The following TTBK2 variants were observed in gnomAD, a reference collection of about 807,000 sequenced individuals.
TTBK2 encodes the protein tau-tubulin kinase 2.
Under a neutral mutation model 110.8 loss-of-function variants are expected in TTBK2, and 28 were observed. The ratio of observed to expected loss-of-function variants is 0.25; its 90% confidence interval spans 0.19 to 0.35. TTBK2 has a LOEUF of 0.35. Ranked by LOEUF, TTBK2 falls within the 10% of genes least tolerant of loss-of-function variation. The probability of loss-of-function intolerance (pLI) is 1.00; values close to 1 mark genes in which losing one functional copy is unlikely to be tolerated. For missense variants in TTBK2, 1,369 were observed against 1,500.3 expected, an observed-to-expected ratio of 0.91 and a Z score of 1.45; for synonymous variants, 532 against 527.3, an observed-to-expected ratio of 1.01 and a Z score of -0.12.
intron 3 of TTBK2, among the ~76,000 whole-genome samples, chr15:42,849,623 T>C (rs1893613687): frequency 6.6e-6 from 1 of 152,190 alleles, no homozygotes; most frequent in African/African-American, 2.4e-5. Context: ...ATTGACCAAG[T>C]TGAGTTCATG....
chr15:42,832,183 TGA>T (rs1233855672), intron 4 of TTBK2, among the ~76,000 whole-genome samples: 2 of 151,938 alleles, frequency 1.3e-5, no homozygotes, highest in East Asian at 1.9e-4. Flanking sequence ...TATAACCACA[TGA>T]GAGTACCTAA....
At position 42,792,897 on chromosome 15, in the gene TTBK2, T is replaced by C. The variant is rs371436834; in HGVS notation, c.980+1747A>G. Reference sequence around the variant, plus strand: ...TTATTTTGGAGAAAATATTGGAAGATGGGAACATAAACTGCCTTCATTGTC... The same window carrying C: ...TTATTTTGGAGAAAATATTGGAAGACGGGAACATAAACTGCCTTCATTGTC... On this transcript the variant is annotated intron_variant, in intron 10 of 14. Transcript: ENST00000267890. Among the ~76,000 whole-genome samples the C allele has an allele frequency of 5.3e-5, 8 of 152,232 alleles. No individual in the cohort carries two copies. In the East Asian group the frequency reaches 1.3e-3, roughly 26 times the overall value.
intron 9 of TTBK2, among the ~76,000 whole-genome samples, chr15:42,795,699 C>T (rs1352938878): frequency 1.3e-5 from 2 of 151,592 alleles, no homozygotes; most frequent in African/African-American, 4.9e-5. Context: ...AAACATTAGC[C>T]GGGTGTGGTG....
intron 6 of TTBK2, among the ~76,000 whole-genome samples, chr15:42,819,726 G>T (rs1400050524): frequency 6.6e-6 from 1 of 152,156 alleles, no homozygotes; most frequent in African/African-American, 2.4e-5. Context: ...AACTAAGGTT[G>T]GAGAGTTCTC....
intron 9 of TTBK2, among the ~76,000 whole-genome samples, chr15:42,796,408 A>AAG (rs200371406): frequency 4.5e-4 from 69 of 152,148 alleles, no homozygotes; most frequent in African/African-American, 1.4e-3. Context: ...CTCAAAAAAA[A>AAG]AGAGAGAGAG....
chr15:42,821,330 G>A (rs971950637), intron 6 of TTBK2, among the ~76,000 whole-genome samples: 19 of 152,146 alleles, frequency 1.2e-4, no homozygotes, highest in Non-Finnish European at 2.4e-4. Flanking sequence ...ATAGGCAGAG[G>A]TGAAATGGAG....
chr15:42,895,539 ATTT>A (rs1019730546), intron 1 of TTBK2, among the ~76,000 whole-genome samples: 1 of 142,324 alleles, frequency 7.0e-6, no homozygotes. Flanking sequence ...CATCAAAAAG[ATTT>A]TTTTTTTTTT....
intron 3 of TTBK2, among the ~76,000 whole-genome samples, chr15:42,845,440 T>A (rs904913569): frequency 7.3e-5 from 11 of 151,502 alleles, no homozygotes; most frequent in African/African-American, 2.4e-4. Flanking sequence ...CCGAGGTGGG[T>A]GGATCACCTG....
At chr15:42,905,184 T>C (rs1567087861) in intron 1 of TTBK2, among the ~76,000 whole-genome samples, 1 of 152,080 alleles carries the variant, frequency 6.6e-6, no homozygotes, top group Non-Finnish European at 1.5e-5. Flanking sequence ...CCAAACTGTA[T>C]ATAATTTAAG....
intron 9 of TTBK2, among the ~76,000 whole-genome samples, chr15:42,808,463 C>G (rs1336446727): frequency 6.6e-6 from 1 of 152,126 alleles, no homozygotes; most frequent in Non-Finnish European, 1.5e-5. Context: ...GGGAAGCAGT[C>G]ATATTTAATA....
At chr15:42,810,509 T>G (rs555006462) in intron 9 of TTBK2, 105 bp downstream of exon 9, 90 of 1,429,790 alleles carry the variant, frequency 6.3e-5, no homozygotes, top group Non-Finnish European at 8.7e-5. Context: ...AGTCGTATTC[T>G]AAGGACCTCC....
chr15:42,762,178 C>T (rs762048223), intron 13 of TTBK2, among the ~76,000 whole-genome samples: 1 of 152,138 alleles, frequency 6.6e-6, no homozygotes, highest in Non-Finnish European at 1.5e-5. Flanking sequence ...ATGTCTTTAT[C>T]AGCAGTATGA....
intron 13 of TTBK2, among the ~76,000 whole-genome samples, chr15:42,758,278 T>C (rs906371578): frequency 2.6e-5 from 4 of 152,188 alleles, no homozygotes; most frequent in Non-Finnish European, 5.9e-5. Context: ...GCCTGGCCTA[T>C]TAAGAAGTTA....
At chr15:42,889,112 T>C (rs1046446511) in intron 1 of TTBK2, among the ~76,000 whole-genome samples, 1 of 152,164 alleles carries the variant, frequency 6.6e-6, no homozygotes, top group African/African-American at 2.4e-5. Context: ...ATCATGGAAA[T>C]CTATCCTCAA....
At chr15:42,773,757 G>A (rs933203180) in intron 13 of TTBK2, among the ~76,000 whole-genome samples, 1 of 152,152 alleles carries the variant, frequency 6.6e-6, no homozygotes, top group African/African-American at 2.4e-5. Context: ...CTGGGAAGGT[G>A]GAAAGAGTGG....
chr15:42,870,701 A>G (rs1894580565), intron 3 of TTBK2, among the ~76,000 whole-genome samples: 1 of 151,814 alleles, frequency 6.6e-6, no homozygotes, highest in Admixed American at 6.6e-5. Flanking sequence ...TCTCTACTAA[A>G]TATACAAAAA....
In TTBK2 at chr15:42,831,719, C is replaced by T. The variant is rs191650865; in HGVS notation, c.292-1641G>A. The stretch of plus-strand genomic sequence containing the variant: ...TACAGACTTTTTCATGATGCTGCTC[C>T]ACCAAGGTTCCTTGCTGCTTAGGTA... On this transcript the variant is annotated intron_variant, in intron 4 of 14. Transcript: ENST00000267890. Among the ~76,000 whole-genome samples the T allele has an allele frequency of 1.3e-3, 202 of 152,306 alleles. 1 individual carries two copies. Among genetic ancestry groups the T allele is most frequent in the Middle Eastern group, 6.8e-3 (2 of 294 alleles).
At chr15:42,828,433 C>G (rs1178057128) in intron 5 of TTBK2, among the ~76,000 whole-genome samples, 1 of 150,476 alleles carries the variant, frequency 6.6e-6, no homozygotes, top group Admixed American at 6.6e-5. Flanking sequence ...TTCCTATAAG[C>G]AGCCAGGTGC....
In TTBK2 at chr15:42,835,303, C is replaced by T. The variant is rs537712328; in HGVS notation, c.291+5057G>A. 3.3e-5 allele frequency among the ~76,000 whole-genome samples: 5 copies of T among 152,272 alleles called. No homozygotes were observed. In the South Asian group the frequency reaches 1.0e-3, roughly 32 times the overall value. On this transcript the variant is annotated intron_variant, in intron 4 of 14. Transcript: ENST00000267890. Reference sequence around the variant, plus strand: ...AAGACAGACAACCAGATACTGCCTCCTGATGTGATTCAAGAGGAAGCATAC... The same window carrying T: ...AAGACAGACAACCAGATACTGCCTCTTGATGTGATTCAAGAGGAAGCATAC...
Sources: gnomAD v4.1 joint callset for allele counts (sites outside exome capture counted in the v4.1 genomes callset) on GRCh38, gnomAD v4.1.1 for gene constraint, MANE v1.5 for transcripts, NCBI Gene and HGNC (gene_info 2026-07-23, HGNC 2026-07-21) for gene names.